The following CRACDL variants were observed in gnomAD, a reference collection of about 807,000 sequenced individuals.
CRACDL encodes CRACD-like protein.
CRACDL carries 26 observed loss-of-function variants against 70.6 expected under a neutral mutation model. The observed-to-expected ratio is 0.37, with a 90% confidence interval of 0.27 to 0.51. The LOEUF is 0.51. Ranked by LOEUF, CRACDL falls within the 20% of genes least tolerant of loss-of-function variation. The pLI is 0.94. For synonymous variants in CRACDL, 618 were observed against 615.2 expected, an observed-to-expected ratio of 1.00 and a Z score of -0.07; for missense variants, 1,283 against 1,376.9, an observed-to-expected ratio of 0.93 and a Z score of 1.08.
intron 1 of CRACDL, among the ~76,000 whole-genome samples, chr2:98,865,651 C>A (rs139526526): frequency 2.1e-4 from 32 of 152,122 alleles, no homozygotes; most frequent in African/African-American, 7.7e-4. Flanking sequence ...AATCTCTGTT[C>A]AAAAATTGTG....
At chr2:98,829,440 A>G (rs1449972975) in intron 5 of CRACDL, among the ~76,000 whole-genome samples, 6 of 152,026 alleles carry the variant, frequency 3.9e-5, no homozygotes, top group African/African-American at 1.5e-4. Flanking sequence ...GACCAAGGAG[A>G]ATTGTGTCTG....
intron 7 of CRACDL, among the ~76,000 whole-genome samples, chr2:98,818,324 C>G (rs1704874876): frequency 6.6e-6 from 1 of 152,230 alleles, no homozygotes. Context: ...TTATTACAAC[C>G]AACCACCATT....
In CRACDL at chr2:98,827,131, G is replaced by C; in HGVS notation, c.579C>G (p.Thr193=). 1 of 1,614,052 alleles carries C rather than the reference G, an allele frequency of 6.2e-7. No homozygotes were observed. Among genetic ancestry groups the C allele is most frequent in the Non-Finnish European group, 8.5e-7 (1 of 1,179,970 alleles). Residue 193 remains threonine, a synonymous_variant, in exon 6 of 10, where the codon ACC becomes ACG. Transcript: ENST00000397899. ...VVSPDHVSDS[T]VSARISDNSL... is the part of the protein sequence containing the mutation. ...TGTTGTCTGAGATCCGGGCAGAGACGGTGCTGTCGCTCACGTGGTCTGGAG... is the reference window on the plus strand; with the variant it reads ...TGTTGTCTGAGATCCGGGCAGAGACCGTGCTGTCGCTCACGTGGTCTGGAG...
At chr2:98,931,629 CAGG>C (rs1365832318) in intron 1 of CRACDL, among the ~76,000 whole-genome samples, 1 of 152,198 alleles carries the variant, frequency 6.6e-6, no homozygotes, top group Non-Finnish European at 1.5e-5. Flanking sequence ...ACACCACAGC[CAGG>C]AGAAGGCCTG....
chr2:98,918,539 C>CAAAAAAAA (rs58312556), intron 1 of CRACDL, among the ~76,000 whole-genome samples: 2 of 66,358 alleles, frequency 3.0e-5, no homozygotes, highest in East Asian at 6.2e-4. Flanking sequence ...TGTTGTCTAC[C>CAAAAAAAA]AAAAAAAAAA....
At chr2:98,798,506 A>G (rs1180337800) in intron 7 of CRACDL, among the ~76,000 whole-genome samples, 1 of 147,630 alleles carries the variant, frequency 6.8e-6, no homozygotes, top group Non-Finnish European at 1.5e-5. Context: ...AAAAGACACC[A>G]TATGTTTTGT....
At chr2:98,910,073 G>T (rs183260233) in intron 1 of CRACDL, among the ~76,000 whole-genome samples, 1 of 152,128 alleles carries the variant, frequency 6.6e-6, no homozygotes, top group South Asian at 2.1e-4. Flanking sequence ...ACCTCGGAAG[G>T]ATGGCTCTGT....
At chr2:98,868,375 C>CTA (rs1707226373) in intron 1 of CRACDL, among the ~76,000 whole-genome samples, 1 of 151,900 alleles carries the variant, frequency 6.6e-6, no homozygotes, top group African/African-American at 2.4e-5. Flanking sequence ...CTGACAGAGA[C>CTA]TGCCCTACTG....
chr2:98,800,365 C>A (rs771922573), intron 7 of CRACDL, among the ~76,000 whole-genome samples: 5 of 151,544 alleles, frequency 3.3e-5, no homozygotes, highest in Non-Finnish European at 5.9e-5. Context: ...GTTGTGTAAA[C>A]CGGCCCCAAG....
At chr2:98,812,838 T>C (rs1704631993) in intron 7 of CRACDL, among the ~76,000 whole-genome samples, 1 of 152,200 alleles carries the variant, frequency 6.6e-6, no homozygotes, top group African/African-American at 2.4e-5. Context: ...CTTAAATAGG[T>C]CTTTTGCAAA....
intron 1 of CRACDL, chr2:98,869,420 G>T: frequency 2.1e-6 from 1 of 486,914 alleles, no homozygotes; most frequent in Non-Finnish European, 3.2e-6. Context: ...CCTGAAGGCC[G>T]GGATGGGGGT....
chr2:98,873,437 C>G (rs1707403263), intron 1 of CRACDL, among the ~76,000 whole-genome samples: 1 of 152,220 alleles, frequency 6.6e-6, no homozygotes, highest in Admixed American at 6.5e-5. Flanking sequence ...TCCACTACCT[C>G]TAATGTAGCA....
intron 7 of CRACDL, among the ~76,000 whole-genome samples, chr2:98,811,237 C>G (rs968683706): frequency 6.6e-6 from 1 of 151,544 alleles, no homozygotes; most frequent in African/African-American, 2.4e-5. Context: ...TCTGGCCGGG[C>G]ATGGTGGCTC....
intron 2 of CRACDL, among the ~76,000 whole-genome samples, chr2:98,840,256 A>G (rs551084072): frequency 3.3e-5 from 5 of 152,146 alleles, no homozygotes; most frequent in Non-Finnish European, 5.9e-5. Flanking sequence ...ATACCTTCTT[A>G]GACTTACGGG....
chr2:98,853,026 G>A (rs1447649484), intron 1 of CRACDL, among the ~76,000 whole-genome samples: 1 of 127,740 alleles, frequency 7.8e-6, no homozygotes, highest in Non-Finnish European at 1.6e-5. Context: ...GGGAAGGGAA[G>A]GGAAAGGGAA....
chr2:98,827,434 G>T (rs1705353297), intron 5 of CRACDL, among the ~76,000 whole-genome samples: 1 of 152,116 alleles, frequency 6.6e-6, no homozygotes, highest in Non-Finnish European at 1.5e-5. Context: ...TGGTATTACA[G>T]GCACCTGCCA....
At chr2:98,891,639 T>G (rs1007748579) in intron 1 of CRACDL, among the ~76,000 whole-genome samples, 1 of 152,092 alleles carries the variant, frequency 6.6e-6, no homozygotes, top group Non-Finnish European at 1.5e-5. Flanking sequence ...TCCTGGATAT[T>G]TTTTTTCTTT....
In CRACDL at chr2:98,838,167, A is replaced by G. The variant is rs777489218; in HGVS notation, c.191T>C (p.Ile64Thr). 6.2e-7 allele frequency: 1 copy of G among 1,613,968 alleles called. No homozygotes were observed. Among genetic ancestry groups the G allele is most frequent in the Non-Finnish European group, 8.5e-7 (1 of 1,179,920 alleles). The change falls in exon 3 of 10, where the codon ATT (isoleucine) becomes ACT (threonine). Residue 64 changes from isoleucine to threonine, a missense_variant. Around this residue, in one of 2 missense-constraint regions of CRACDL, gnomAD observed 362 missense variants for 495.0 expected, o/e 0.73. Coordinates refer to ENST00000397899, the MANE Select transcript of CRACDL (RefSeq NM_207362.3). Reference protein sequence around the residue: ...WKQSQTRNEVIAIESGPVGYD... With the variant: ...WKQSQTRNEVTAIESGPVGYD... ...GCCCACTGGCCCGGATTCGATGGCA[A>G]TGACCTCATTCCTCGTCTGACTTTG...
At chr2:98,835,995 T>C (rs6542838) in intron 3 of CRACDL, among the ~76,000 whole-genome samples, 71,876 of 151,868 alleles carry the variant, frequency 0.47, 17,766 homozygotes, top group African/African-American at 0.62. Context: ...TCTGGATCCA[T>C]CGAATGATGT....
Sources: allele counts gnomAD v4.1 joint callset (sites outside exome capture counted in the v4.1 genomes callset), GRCh38; gene constraint gnomAD v4.1.1; regional missense constraint gnomAD v4.1.1; transcripts MANE v1.5; gene names NCBI Gene and HGNC (gene_info 2026-07-23, HGNC 2026-07-21).